Variants in ACSS1 observed in about 807,000 individuals in gnomAD.
ACSS1 encodes acyl-CoA synthetase short chain family member 1.
ACSS1 carries 42 observed loss-of-function variants against 75.3 expected under a neutral mutation model. The observed-to-expected ratio is 0.56, with a 90% CI of 0.44 to 0.72. ACSS1 has a LOEUF of 0.72. Ranked by LOEUF, ACSS1 falls within the 30% of genes least tolerant of loss-of-function variation. ACSS1 has a pLI of 0.00. For synonymous variants in ACSS1, 380 were observed against 376.8 expected (o/e 1.01, Z -0.10); for missense variants, 782 against 935.7 (o/e 0.84, Z 2.14).
chr20:25,023,643 T>G lies in ACSS1; in HGVS notation c.632-2A>C. 3 of 1,595,798 alleles carry G rather than the reference T, an allele frequency of 1.9e-6. No individual in the cohort carries two copies. Among genetic ancestry groups the G allele is most frequent in the Non-Finnish European group, 2.6e-6 (3 of 1,170,082 alleles). On this transcript the variant is annotated splice_acceptor_variant, in intron 3 of 13. Coordinates refer to ENST00000323482, the MANE Select transcript of ACSS1 (RefSeq NM_032501.4). LOFTEE classifies it high-confidence loss of function. ...AGGTGATAACCACCTTGCACTTGGC[T>G]AACAGAGACAACACAGACATTTCTG... is the stretch of plus-strand genomic sequence containing the variant.
In ACSS1 at chr20:25,049,684, G is replaced by C. The variant is rs146344085; in HGVS notation, c.335-1503C>G. Among the ~76,000 whole-genome samples, 1,261 of 152,256 alleles carry C rather than the reference G, an allele frequency of 8.3e-3. 9 individuals carry two copies. The highest frequency in any genetic ancestry group is 0.014 in the Admixed American group (214 of 15,302). The stretch of plus-strand genomic sequence containing the variant: ...GGGGCTGAAACAATAATTACTGCAA[G>C]AGCCTCCACGGAGACAGCGCCCGCA... On this transcript the variant is annotated intron_variant, in intron 1 of 13. Coordinates refer to ENST00000323482, the MANE Select transcript of ACSS1 (RefSeq NM_032501.4).
chr20:25,006,804 C>G lies in ACSS1; in HGVS notation c.*958G>C. 6.5e-7 allele frequency: 1 copy of G among 1,532,800 alleles called. No homozygotes were observed. Among genetic ancestry groups the G allele is most frequent in the Admixed American group, 2.0e-5 (1 of 50,954 alleles). 94.9% of individuals were successfully genotyped at this position (1,532,800 alleles called of 1,614,324 possible). On this transcript the variant is annotated 3_prime_UTR_variant, in exon 14 of 14. Transcript: ENST00000323482. ...CATTGGACCTCAGTGGTTCTCACCG[C>G]CCCAACCACAGAGTGAAGGTCAGGC... is the stretch of plus-strand genomic sequence containing the variant.
In ACSS1 at chr20:25,038,352, C is replaced by T. The variant is rs73346970; in HGVS notation, c.432-7394G>A. On this transcript the variant is annotated intron_variant, in intron 2 of 13. Transcript: ENST00000323482. ...ACCACTGGGGCCTGAACTGTCTCATCTGTGAAATGGCCTAATAATAGGACC... is the reference window on the plus strand; with the variant it reads ...ACCACTGGGGCCTGAACTGTCTCATTTGTGAAATGGCCTAATAATAGGACC... Among the ~76,000 whole-genome samples, 789 of 152,314 alleles carry T rather than the reference C, an allele frequency of 5.2e-3. 1 individual carries two copies. The highest frequency in any genetic ancestry group is 0.019 in the African/African-American group (770 of 41,562).
chr20:25,048,675 C>T (rs552804824), intron 1 of ACSS1, among the ~76,000 whole-genome samples: 13 of 152,230 alleles, frequency 8.5e-5, no homozygotes, highest in Non-Finnish European at 1.8e-4. Context: ...CAAGAAGGGA[C>T]GAGGACCCAA....
At chr20:25,036,679 G>A (rs572695046) in intron 2 of ACSS1, among the ~76,000 whole-genome samples, 3 of 152,220 alleles carry the variant, frequency 2.0e-5, no homozygotes, top group Admixed American at 6.5e-5. Flanking sequence ...TTAAGGCTGG[G>A]CATAGTGGCT....
chr20:25,009,549 G>A, intron 12 of ACSS1, 161 bp from the exon 13 acceptor site: 1 of 646,506 alleles, frequency 1.5e-6, no homozygotes, highest in South Asian at 1.8e-5. Context: ...ACCCAAAGAT[G>A]CACTTCAGTT....
At chr20:25,043,734 A>T (rs2089041352) in intron 2 of ACSS1, among the ~76,000 whole-genome samples, 1 of 152,172 alleles carries the variant, frequency 6.6e-6, no homozygotes, top group Admixed American at 6.5e-5. Flanking sequence ...GTGGCACACG[A>T]TGCCTGTGCT....
At chr20:25,031,221 T>G in intron 2 of ACSS1, 1 of 538,884 alleles carries the variant, frequency 1.9e-6, no homozygotes, top group South Asian at 1.8e-5. Flanking sequence ...ACGGCAGGGT[T>G]TTTTTAGGGG....
chr20:25,040,296 C>A (rs2088979914), intron 2 of ACSS1, among the ~76,000 whole-genome samples: 1 of 152,260 alleles, frequency 6.6e-6, no homozygotes, highest in Non-Finnish European at 1.5e-5. Flanking sequence ...CAACTTCACA[C>A]AGAACGCTCC....
At position 25,039,125 on chromosome 20, in the gene ACSS1, A is replaced by C. The variant is rs566784285; in HGVS notation, c.432-8167T>G. 6.6e-5 allele frequency among the ~76,000 whole-genome samples: 10 copies of C among 152,212 alleles called. No homozygotes were observed. In the South Asian group the frequency reaches 2.1e-3, roughly 32 times the overall value. On this transcript the variant is annotated intron_variant, in intron 2 of 13. Coordinates refer to ENST00000323482, the MANE Select transcript of ACSS1 (RefSeq NM_032501.4). Reference sequence around the variant, plus strand: ...TCCCACAGAGCAGGTTCCCATGGAGAACCCACTTAACCCTCACAACAGCCC... The same window carrying C: ...TCCCACAGAGCAGGTTCCCATGGAGCACCCACTTAACCCTCACAACAGCCC...
chr20:25,008,045 TC>T, intron 13 of ACSS1, 104 bp from the exon 14 acceptor site: 4 of 1,371,160 alleles, frequency 2.9e-6, no homozygotes, highest in Non-Finnish European at 2.9e-6. Context: ...GGGGATGCCC[TC>T]CCGGGGATCC....
chr20:25,050,983 C>A (rs1013409688), intron 1 of ACSS1, among the ~76,000 whole-genome samples: 3 of 152,140 alleles, frequency 2.0e-5, no homozygotes. Flanking sequence ...AACACAGTGT[C>A]CCCCAGGTGC....
intron 2 of ACSS1, among the ~76,000 whole-genome samples, chr20:25,032,044 C>T (rs2122690990): frequency 6.6e-6 from 1 of 152,268 alleles, no homozygotes; most frequent in African/African-American, 2.4e-5. Flanking sequence ...ACAGCACTGG[C>T]GGGTAGAGCA....
intron 2 of ACSS1, among the ~76,000 whole-genome samples, chr20:25,044,051 G>T (rs1388729904): frequency 6.6e-6 from 1 of 152,140 alleles, no homozygotes; most frequent in Non-Finnish European, 1.5e-5. Flanking sequence ...TCTGTGTGGG[G>T]GCATACCCTG....
intron 1 of ACSS1, among the ~76,000 whole-genome samples, chr20:25,056,618 C>G (rs1404206987): frequency 6.6e-6 from 1 of 152,172 alleles, no homozygotes; most frequent in Non-Finnish European, 1.5e-5. Context: ...AGCCTAACCT[C>G]TGAGCATGAC....
Position 25,058,018 on chromosome 20 carries a change from A to T in ACSS1, c.85T>A (p.Cys29Ser), listed in dbSNP as rs2089270242. Residue 29 changes from cysteine (C) to serine (S), a missense_variant, in exon 1 of 14, where the codon TGC becomes AGC. By Grantham distance (112) the Cys-to-Ser change is moderately radical. Coordinates refer to ENST00000323482, the MANE Select transcript of ACSS1 (RefSeq NM_032501.4). ...GCCCTGCGCGGCGCGCTCACCCCGC[A>T]CGGCGGCCGCGCGGGCTGCCCCGAG... ...GLSGQPARPPCGVSAPRRAAS... is the reference protein window; with the variant it reads ...GLSGQPARPPSGVSAPRRAAS... 7.1e-7 allele frequency: 1 copy of T among 1,399,558 alleles called. No individual in the cohort carries two copies. Among genetic ancestry groups the T allele is most frequent in the Non-Finnish European group, 9.2e-7 (1 of 1,083,692 alleles). 86.7% of individuals were successfully genotyped at this position (1,399,558 alleles called of 1,614,324 possible).
In ACSS1 at chr20:25,012,867, T is replaced by A. The variant is rs776359279; in HGVS notation, c.1652A>T (p.Asp551Val). 12 of 1,614,126 alleles carry A rather than the reference T, an allele frequency of 7.4e-6. No individual in the cohort carries two copies. The highest frequency in any genetic ancestry group is 5.9e-6 in the Non-Finnish European group (7 of 1,180,024). Residue 551 changes from aspartate to valine, a missense_variant, in exon 11 of 14, where the codon GAT (aspartate) becomes GTT (valine). Coordinates refer to ENST00000323482, the MANE Select transcript of ACSS1 (RefSeq NM_032501.4). ...CCGGTGGCCACTGATGTTGATGACATCATCCATCCGCCCTGTGATCTGGTA... is the reference window on the plus strand; with the variant it reads ...CCGGTGGCCACTGATGTTGATGACAACATCCATCCGCCCTGTGATCTGGTA... ...GYYQITGRMD[D>V]VINISGHRLG...
chr20:25,019,663 T>C (rs2088581962), intron 7 of ACSS1, among the ~76,000 whole-genome samples: 1 of 152,228 alleles, frequency 6.6e-6, no homozygotes, highest in Non-Finnish European at 1.5e-5. Flanking sequence ...CCAGCTAAGT[T>C]ATACAGTTAA....
chr20:25,029,542 G>C (rs2122678671), intron 3 of ACSS1, among the ~76,000 whole-genome samples: 1 of 152,254 alleles, frequency 6.6e-6, no homozygotes, highest in East Asian at 1.9e-4. Context: ...ATTAAAAACA[G>C]GTGTTCCTAT....
Sources: gnomAD v4.1 joint callset for allele counts (sites outside exome capture counted in the v4.1 genomes callset) on GRCh38, gnomAD v4.1.1 for gene constraint, MANE v1.5 for transcripts, NCBI Gene and HGNC (gene_info 2026-07-23, HGNC 2026-07-21) for gene names.